NRXN3: variants seen among roughly 807,000 people sequenced by gnomAD.
The protein encoded by NRXN3 is neurexin 3.
In NRXN3, 32 loss-of-function variants were observed where a neutral mutation model predicts 137.6. The observed-to-expected ratio is 0.23, with a 90% confidence interval of 0.18 to 0.31. The LOEUF (loss-of-function observed/expected upper bound fraction) is 0.31. Ranked by LOEUF, NRXN3 falls within the 10% of genes least tolerant of loss-of-function variation. NRXN3 has a pLI of 1.00. For synonymous variants in NRXN3, 798 were observed against 784.5 expected (o/e 1.02, Z -0.29); for missense variants, 1,574 against 2,062.5 (o/e 0.76, Z 4.59).
intron 15 of NRXN3, among the ~76,000 whole-genome samples, chr14:79,132,755 A>C (rs1568385405): frequency 6.6e-6 from 1 of 152,208 alleles, no homozygotes; most frequent in Non-Finnish European, 1.5e-5. Context: ...AGACTCTGAG[A>C]TTGAGTTTAG....
chr14:78,337,192 C>T (rs572952090), intron 4 of NRXN3, among the ~76,000 whole-genome samples: 1 of 152,192 alleles, frequency 6.6e-6, no homozygotes, highest in African/African-American at 2.4e-5. Context: ...CAGTAATGGA[C>T]ATGTATGGAG....
At chr14:79,134,359 T>C (rs531507886) in intron 15 of NRXN3, among the ~76,000 whole-genome samples, 1 of 152,364 alleles carries the variant, frequency 6.6e-6, no homozygotes, top group African/African-American at 2.4e-5. Flanking sequence ...GATTCTCAAT[T>C]AGGAAACTTG....
intron 20 of NRXN3, among the ~76,000 whole-genome samples, chr14:79,824,540 G>A (rs1374095113): frequency 6.6e-6 from 1 of 152,194 alleles, no homozygotes. Flanking sequence ...AATTTTGGAG[G>A]AGGCAGAAAA....
chr14:79,119,105 A>C (rs1369847746), intron 15 of NRXN3, among the ~76,000 whole-genome samples: 1 of 152,218 alleles, frequency 6.6e-6, no homozygotes, highest in African/African-American at 2.4e-5. Context: ...TTCAAAATTT[A>C]AACTTCAACT....
rs1459929814 is a variant in NRXN3 at position 79,675,977 on chromosome 14, T to C, written c.3616+12028T>C. ...CCTAGCCTATTTCTCATAGCCCTTATGCATAAAGGTGCCAGTTGATGCCTT... is the reference window on the plus strand; with the variant it reads ...CCTAGCCTATTTCTCATAGCCCTTACGCATAAAGGTGCCAGTTGATGCCTT... On this transcript the variant is annotated intron_variant, in intron 17 of 20. Coordinates refer to ENST00000335750, the MANE Select transcript of NRXN3 (RefSeq NM_001330195.2). 2.0e-5 allele frequency among the ~76,000 whole-genome samples: 3 copies of C among 152,140 alleles called. No homozygotes were observed. In the South Asian group the frequency reaches 6.2e-4, roughly 32 times the overall value.
intron 4 of NRXN3, among the ~76,000 whole-genome samples, chr14:78,590,986 T>A (rs2097111005): frequency 6.6e-6 from 1 of 152,176 alleles, no homozygotes; most frequent in Non-Finnish European, 1.5e-5. Flanking sequence ...GGACAGTGAC[T>A]GTCATCAGAG....
At chr14:79,126,282 G>A (rs1046146269) in intron 15 of NRXN3, among the ~76,000 whole-genome samples, 41 of 151,746 alleles carry the variant, frequency 2.7e-4, no homozygotes, top group South Asian at 8.3e-4. Flanking sequence ...CCACTAACTC[G>A]TCATCTAGCA....
At chr14:79,738,315 C>CCACACACACACACACA (rs10539564) in intron 19 of NRXN3, among the ~76,000 whole-genome samples, 1,886 of 137,996 alleles carry the variant, frequency 0.014, 28 homozygotes, top group Non-Finnish European at 0.018. Flanking sequence ...ATTTCCCCCG[C>CCACACACACACACACA]CACACACACA....
At chr14:78,609,580 G>A (rs1284129024) in intron 4 of NRXN3, among the ~76,000 whole-genome samples, 1 of 152,184 alleles carries the variant, frequency 6.6e-6, no homozygotes, top group Non-Finnish European at 1.5e-5. Context: ...TTCCTGGCCT[G>A]ATCTCATACT....
intron 6 of NRXN3, among the ~76,000 whole-genome samples, chr14:78,678,880 C>T (rs548171661): frequency 6.6e-6 from 1 of 152,256 alleles, no homozygotes; most frequent in East Asian, 1.9e-4. Flanking sequence ...CTGGTCTCTT[C>T]TTTATTAGCA....
At chr14:79,136,131 A>G (rs2058199092) in intron 15 of NRXN3, among the ~76,000 whole-genome samples, 1 of 152,218 alleles carries the variant, frequency 6.6e-6, no homozygotes, top group Non-Finnish European at 1.5e-5. Flanking sequence ...AGAGGCATAA[A>G]TCCTAGGAAT....
intron 4 of NRXN3, among the ~76,000 whole-genome samples, chr14:78,633,267 A>AAAAAAAAAAAAAAAAAAAGAG (rs1376443966): frequency 1.3e-5 from 2 of 150,080 alleles, no homozygotes; most frequent in African/African-American, 5.0e-5. Context: ...AAAAAAAAAA[A>AAAAAAAAAAAAAAAAAAAGAG]AGAGACTGGT....
chr14:78,205,423 G>A (rs1426998877), intron 1 of NRXN3, among the ~76,000 whole-genome samples: 1 of 152,188 alleles, frequency 6.6e-6, no homozygotes. Context: ...GACGATGCAC[G>A]GCACACTTGG....
chr14:78,314,997 CTT>C (rs2078525317), intron 4 of NRXN3, among the ~76,000 whole-genome samples: 2 of 116,952 alleles, frequency 1.7e-5, no homozygotes, highest in Admixed American at 9.1e-5. Context: ...CTTTCTCTTT[CTT>C]TCTTTCTTTC....
chr14:79,250,263 G>A (rs997817058), intron 15 of NRXN3, among the ~76,000 whole-genome samples: 7 of 152,084 alleles, frequency 4.6e-5, no homozygotes, highest in Admixed American at 3.9e-4. Flanking sequence ...CAGAGACTAG[G>A]CAATGTGAAG....
At chr14:78,609,226 C>G (rs1194232193) in intron 4 of NRXN3, among the ~76,000 whole-genome samples, 1 of 150,978 alleles carries the variant, frequency 6.6e-6, no homozygotes, top group Admixed American at 6.6e-5. Context: ...TGCTAGCTGT[C>G]ATTTGGAGGA....
chr14:78,547,738 T>C (rs1032794940), intron 4 of NRXN3, among the ~76,000 whole-genome samples: 3 of 152,036 alleles, frequency 2.0e-5, no homozygotes, highest in African/African-American at 7.2e-5. Context: ...CTGATATAAA[T>C]AGAAATATTT....
intron 4 of NRXN3, among the ~76,000 whole-genome samples, chr14:78,605,125 C>T (rs2097238082): frequency 6.6e-6 from 1 of 152,110 alleles, no homozygotes; most frequent in East Asian, 1.9e-4. Flanking sequence ...TCCTCATCTC[C>T]ACCCCACAAG....
At chr14:78,988,989 A>G (rs2099513073) in intron 15 of NRXN3, among the ~76,000 whole-genome samples, 1 of 152,156 alleles carries the variant, frequency 6.6e-6, no homozygotes, top group African/African-American at 2.4e-5. Context: ...GGCATCTATA[A>G]CCTGTGTCTC....
Sources: gnomAD v4.1 joint callset for allele counts (sites outside exome capture counted in the v4.1 genomes callset) on GRCh38, gnomAD v4.1.1 for gene constraint, MANE v1.5 for transcripts, NCBI Gene and HGNC (gene_info 2026-07-23, HGNC 2026-07-21) for gene names.